Variants in HEMK1 observed in about 807,000 individuals in gnomAD.
HEMK1 encodes HemK methyltransferase 1, mitochondrial release factors N(5)-glutamine.
Under a neutral mutation model 47.9 loss-of-function variants are expected in HEMK1, and 36 were observed. The ratio of observed to expected loss-of-function variants is 0.75; its 90% CI spans 0.58 to 0.99. HEMK1 has a LOEUF of 0.99. Ranked by LOEUF, HEMK1 falls within the 50% of genes least tolerant of loss-of-function variation. The pLI, the probability that HEMK1 is intolerant of heterozygous loss-of-function variation, is 0.00. For missense variants in HEMK1, 383 were observed against 434.5 expected (o/e 0.88, Z 1.05); for synonymous variants, 153 against 165.4 (o/e 0.93, Z 0.57).
chr3:50,587,135 A>G lies in HEMK1; in HGVS notation c.*6718A>G, dbSNP rs2031430615. The G allele has an allele frequency of 6.6e-6, 1 of 152,208 alleles. No individual in the cohort carries two copies. The highest frequency in any genetic ancestry group is 6.6e-5 in the Admixed American group (1 of 15,262). 9.4% of individuals were successfully genotyped at this position (152,208 alleles called of 1,614,324 possible). ...CCATTGGTGTCCATTTGACTATCAGAGACGCTGAGGCCAGCATAACTAGGT... is the reference window on the plus strand; with the variant it reads ...CCATTGGTGTCCATTTGACTATCAGGGACGCTGAGGCCAGCATAACTAGGT... On this transcript the variant is annotated 3_prime_UTR_variant, in exon 11 of 11. Coordinates refer to ENST00000232854, the MANE Select transcript of HEMK1 (RefSeq NM_016173.5). The surrounding 1 kb of genome is among the most constrained non-coding windows in gnomAD (Gnocchi z 4.2).
intron 9 of HEMK1, 31 bp downstream of exon 9, chr3:50,579,970 C>A (rs777183933): frequency 3.8e-6 from 6 of 1,579,630 alleles, no homozygotes. Context: ...CTAGGTCTGT[C>A]CCCAGCAGGC....
chr3:50,571,596 G>C, intron 2 of HEMK1, 114 bp from the exon 3 acceptor site: 5 of 998,030 alleles, frequency 5.0e-6, no homozygotes, highest in Non-Finnish European at 8.0e-6. Flanking sequence ...GGGCCCAGAT[G>C]ATGAGAGGGT....
rs2031873246 is a variant in HEMK1, at chr3:50,594,560, T to G, written c.*14143T>G. On this transcript the variant is annotated 3_prime_UTR_variant, in exon 11 of 11. Coordinates refer to ENST00000232854, the MANE Select transcript of HEMK1 (RefSeq NM_016173.5). ...CCAAGCAGTTCACATCCCCTCTCAC[T>G]CAAGTTCCCACAGAGTAGTTGCAAT... 6.6e-6 allele frequency: 1 copy of G among 152,296 alleles called. No individual in the cohort carries two copies. Among genetic ancestry groups the G allele is most frequent in the Admixed American group, 6.5e-5 (1 of 15,288 alleles). 9.4% of individuals were successfully genotyped at this position (152,296 alleles called of 1,614,324 possible). A position where few individuals can be genotyped will look rare whatever the true frequency, so the allele number is the denominator to read the frequency against.
chr3:50,594,032 T>C lies in HEMK1; in HGVS notation c.*13615T>C, dbSNP rs1184522140. 1.3e-5 allele frequency: 2 copies of C among 152,214 alleles called. No homozygotes were observed. Among genetic ancestry groups the C allele is most frequent in the Non-Finnish European group, 2.9e-5 (2 of 68,034 alleles). The allele number at this position is 152,214 out of a possible 1,614,324, so 9.4% of individuals were successfully genotyped here. A position where few individuals can be genotyped will look rare whatever the true frequency, so the allele number is the denominator to read the frequency against. On this transcript the variant is annotated 3_prime_UTR_variant, in exon 11 of 11. Coordinates refer to ENST00000232854, the MANE Select transcript of HEMK1 (RefSeq NM_016173.5). ...TGAGCCACCACACCCGGCCTGTCTT[T>C]TCCTTTTTAATACTTATGGCTCTTA...
At position 50,585,519 on chromosome 3, in the gene HEMK1, G is replaced by A. The variant is rs888131096; in HGVS notation, c.*5102G>A. The A allele has an allele frequency of 6.6e-6, 1 of 152,314 alleles. No individual in the cohort carries two copies. The highest frequency in any genetic ancestry group is 1.9e-4 in the East Asian group (1 of 5,180). 9.4% of individuals were successfully genotyped at this position (152,314 alleles called of 1,614,324 possible). ...TGGGACTAGGACCTCCCTTTCCAGG[G>A]GTACTAAAGGACTCTGGAGACACCA... On this transcript the variant is annotated 3_prime_UTR_variant, in exon 11 of 11. Coordinates refer to ENST00000232854, the MANE Select transcript of HEMK1 (RefSeq NM_016173.5).
At position 50,581,583 on chromosome 3, in the gene HEMK1, A is replaced by G. The variant is rs1235116789; in HGVS notation, c.*1166A>G. 2 of 152,238 alleles carry G rather than the reference A, an allele frequency of 1.3e-5. No individual in the cohort carries two copies. Among genetic ancestry groups the G allele is most frequent in the African/African-American group, 2.4e-5 (1 of 41,452 alleles). The allele number at this position is 152,238 out of a possible 1,614,324, so 9.4% of individuals were successfully genotyped here. A position where few individuals can be genotyped will look rare whatever the true frequency, so the allele number is the denominator to read the frequency against. Reference sequence around the variant, plus strand: ...GCTGGCTCTTCTGAGTCCAGGGCCAACGCCAACTGGCAACCTCTTTACTCT... The same window carrying G: ...GCTGGCTCTTCTGAGTCCAGGGCCAGCGCCAACTGGCAACCTCTTTACTCT... On this transcript the variant is annotated 3_prime_UTR_variant, in exon 11 of 11. Transcript: ENST00000232854.
At position 50,578,825 on chromosome 3, in the gene HEMK1, G is replaced by T; in HGVS notation, c.669G>T (p.Arg223Ser). The T allele has an allele frequency of 6.2e-7, 1 of 1,610,884 alleles. No individual in the cohort carries two copies. The highest frequency in any genetic ancestry group is 8.5e-7 in the Non-Finnish European group (1 of 1,177,906). The change falls in exon 8 of 11, where the codon AGG becomes AGT. Residue 223 changes from arginine (R) to serine (S), a missense_variant. By Grantham distance (110) the Arg-to-Ser change is moderately radical. Coordinates refer to ENST00000232854, the MANE Select transcript of HEMK1 (RefSeq NM_016173.5). ...TGTCCTCTTCTTTGACGACAGAAAG[G>T]AGCTGGACACACCTGCCCTGGGGCC... The part of the protein sequence containing the change: ...WIIHLDMTSE[R>S]SWTHLPWGPM...
In HEMK1 at chr3:50,571,703, G is replaced by A. The variant is rs1700984482; in HGVS notation, c.229-7G>A. ...GAGCCAGCCACTTATATTCTCTGTG[G>A]GGACAGTTTCAGAGCCTGAGGCCGG... On this transcript the variant is annotated splice_polypyrimidine_tract_variant and splice_region_variant and intron_variant, in intron 2 of 10. Transcript: ENST00000232854. 1.9e-6 allele frequency: 3 copies of A among 1,613,958 alleles called. No individual in the cohort carries two copies. Among genetic ancestry groups the A allele is most frequent in the Non-Finnish European group, 2.5e-6 (3 of 1,179,808 alleles).
chr3:50,573,611 A>G (rs1235710904), intron 4 of HEMK1, among the ~76,000 whole-genome samples: 2 of 151,922 alleles, frequency 1.3e-5, no homozygotes, highest in East Asian at 3.9e-4. Flanking sequence ...AGATGCTGCG[A>G]TTGGGAGGCC....
rs143059568 is a variant in HEMK1 at position 50,577,528 on chromosome 3, A to G, written c.569A>G (p.Asp190Gly). Residue 190 changes from aspartate (D) to glycine (G), a missense_variant, in exon 6 of 11, where the codon GAT becomes GGT. Transcript: ENST00000232854. ...GGACAGAGCCGAGTCATTGCTGTGGATAAGCGGGAAGCTGCTATCTCTCTG... is the reference window on the plus strand; with the variant it reads ...GGACAGAGCCGAGTCATTGCTGTGGGTAAGCGGGAAGCTGCTATCTCTCTG... ...QLPQSRVIAV[D>G]KREAAISLTH... 1 of 1,614,124 alleles carries G rather than the reference A, an allele frequency of 6.2e-7. No individual in the cohort carries two copies.
In HEMK1 at chr3:50,583,249, G is replaced by T. The variant is rs1269241607; in HGVS notation, c.*2832G>T. The T allele has an allele frequency of 3.3e-5, 5 of 152,220 alleles. No homozygotes were observed. Among genetic ancestry groups the T allele is most frequent in the African/African-American group, 1.2e-4 (5 of 41,450 alleles). 9.4% of individuals were successfully genotyped at this position (152,220 alleles called of 1,614,324 possible). On this transcript the variant is annotated 3_prime_UTR_variant, in exon 11 of 11. Transcript: ENST00000232854. The stretch of plus-strand genomic sequence containing the variant: ...CCCAGTTGTCAGTGGGTTTCTCCAT[G>T]GGTCTCATACAGCTGCCTTATTGAA...
chr3:50,575,525 G>C (rs983047305), intron 4 of HEMK1, among the ~76,000 whole-genome samples: 14 of 152,230 alleles, frequency 9.2e-5, no homozygotes, highest in Non-Finnish European at 1.5e-4. Flanking sequence ...TCAGACCTCA[G>C]GTCTTCCTAT....
chr3:50,580,273 C>T (rs369531562), intron 10 of HEMK1, 44 bp downstream of exon 10: 8 of 1,603,402 alleles, frequency 5.0e-6, no homozygotes, highest in Non-Finnish European at 6.8e-6. Context: ...GCTGGTCTTT[C>T]CACTGGGGCC....
chr3:50,586,082 T>C lies in HEMK1; in HGVS notation c.*5665T>C, dbSNP rs2031335781. ...GTCCCATCTGAAGCTCTGGTAGCTG[T>C]GGGAGGAGAGCAGGATTTCCCCCGC... On this transcript the variant is annotated 3_prime_UTR_variant, in exon 11 of 11. Coordinates refer to ENST00000232854, the MANE Select transcript of HEMK1 (RefSeq NM_016173.5). 6.6e-6 allele frequency: 1 copy of C among 152,216 alleles called. No individual in the cohort carries two copies. 9.4% of individuals were successfully genotyped at this position (152,216 alleles called of 1,614,324 possible).
At chr3:50,572,282 C>T (rs1462457490) in intron 4 of HEMK1, 74 bp downstream of exon 4, 49 of 1,544,926 alleles carry the variant, frequency 3.2e-5, no homozygotes, top group Non-Finnish European at 4.0e-5. Context: ...CCCCAGGCTT[C>T]CTCCAGGGGG....
chr3:50,576,983 G>A, intron 4 of HEMK1, 69 bp from the exon 5 acceptor site: 1 of 1,585,104 alleles, frequency 6.3e-7, no homozygotes, highest in Non-Finnish European at 8.6e-7. Context: ...TAACTGCTTA[G>A]GCCTCTGTAC....
rs1292418663 is a variant in HEMK1, at chr3:50,571,262, A to G, written c.158A>G (p.Glu53Gly). 1.2e-6 allele frequency: 2 copies of G among 1,613,252 alleles called. No individual in the cohort carries two copies. Among genetic ancestry groups the G allele is most frequent in the East Asian group, 4.5e-5 (2 of 44,862 alleles). Reference protein sequence around the residue: ...ELVSHWTGVFEKRGIPEARES... With the variant: ...ELVSHWTGVFGKRGIPEARES... ...GTCAGCCACTGGACTGGGGTCTTTGAGAAGAGGGGTATCCCTGAGGCCCGG... is the reference window on the plus strand; with the variant it reads ...GTCAGCCACTGGACTGGGGTCTTTGGGAAGAGGGGTATCCCTGAGGCCCGG... The change falls in exon 2 of 11, where the codon GAG becomes GGG. Residue 53 changes from glutamate to glycine, a missense_variant. Physicochemically the swap from Glu to Gly is moderately conservative, Grantham distance 98 (BLOSUM62 -2). Coordinates refer to ENST00000232854, the MANE Select transcript of HEMK1 (RefSeq NM_016173.5).
intron 10 of HEMK1, 58 bp downstream of exon 10, chr3:50,580,287 C>G: frequency 6.2e-7 from 1 of 1,604,906 alleles, no homozygotes; most frequent in Non-Finnish European, 8.5e-7. Flanking sequence ...TGGGGCCATC[C>G]TCAGCCCTGG....
intron 4 of HEMK1, among the ~76,000 whole-genome samples, chr3:50,575,589 A>G (rs545169553): frequency 3.9e-5 from 6 of 152,312 alleles, no homozygotes; most frequent in Non-Finnish European, 8.8e-5. Flanking sequence ...CCTTAGGCTC[A>G]GGGTGGAGAA....
Sources: allele counts gnomAD v4.1 joint callset (sites outside exome capture counted in the v4.1 genomes callset), GRCh38; gene constraint gnomAD v4.1.1; non-coding constraint Gnocchi (gnomAD v3.1); transcripts MANE v1.5; gene names NCBI Gene and HGNC (gene_info 2026-07-23, HGNC 2026-07-21).